IL18R1: variants seen among roughly 807,000 people sequenced by gnomAD.
IL18R1 encodes the protein interleukin 18 receptor 1.
Under a neutral mutation model 48.5 loss-of-function variants are expected in IL18R1, and 40 were observed. That is an observed-to-expected ratio of 0.82 (90% CI 0.64 to 1.07). The LOEUF is 1.07. Among genes scored for constraint, IL18R1 ranks in the 50% least tolerant of loss-of-function variants. The pLI, the probability that IL18R1 is intolerant of heterozygous loss-of-function variation, is 0.00. For synonymous variants in IL18R1, 232 were observed against 225.9 expected, an observed-to-expected ratio of 1.03 and a Z score of -0.24; for missense variants, 596 against 633.7, an observed-to-expected ratio of 0.94 and a Z score of 0.64.
intron 5 of IL18R1, among the ~76,000 whole-genome samples, chr2:102,377,460 A>AC (rs1679655416): frequency 6.6e-6 from 1 of 151,814 alleles, no homozygotes; most frequent in Non-Finnish European, 1.5e-5. Context: ...GACTACAGGC[A>AC]CCCGCCACCA....
At chr2:102,395,355 A>C (rs531972706) in intron 10 of IL18R1, among the ~76,000 whole-genome samples, 9 of 152,130 alleles carry the variant, frequency 5.9e-5, no homozygotes, top group Admixed American at 4.6e-4. Flanking sequence ...AAAAAAAAAA[A>C]CAAATGTTTG....
At chr2:102,368,596 G>T (rs188794682) in intron 3 of IL18R1, among the ~76,000 whole-genome samples, 1 of 152,122 alleles carries the variant, frequency 6.6e-6, no homozygotes, top group African/African-American at 2.4e-5. Flanking sequence ...CACAGCTGGC[G>T]GCAGTGAGAG....
At chr2:102,376,770 C>T (rs982334001) in intron 5 of IL18R1, among the ~76,000 whole-genome samples, 1 of 152,104 alleles carries the variant, frequency 6.6e-6, no homozygotes, top group Admixed American at 6.5e-5. Flanking sequence ...TAAACCTCAC[C>T]CAGTGAAGAT....
At chr2:102,378,402 G>C (rs1385692423) in intron 5 of IL18R1, among the ~76,000 whole-genome samples, 1 of 152,162 alleles carries the variant, frequency 6.6e-6, no homozygotes, top group Non-Finnish European at 1.5e-5. Context: ...GATGGCTCTA[G>C]GGACAGTAAG....
intron 5 of IL18R1, among the ~76,000 whole-genome samples, chr2:102,380,618 C>A (rs1038672555): frequency 6.6e-6 from 1 of 152,156 alleles, no homozygotes; most frequent in Non-Finnish European, 1.5e-5. Context: ...GTTTCATTCT[C>A]CTGTTCTTGC....
intron 9 of IL18R1, among the ~76,000 whole-genome samples, chr2:102,390,890 G>A (rs1243334710): frequency 1.4e-5 from 2 of 139,242 alleles, no homozygotes; most frequent in African/African-American, 2.7e-5. Flanking sequence ...AGTCGGGATC[G>A]CGCCGCTGCG....
At chr2:102,362,567 C>G in intron 1 of IL18R1, 66 bp from the exon 2 acceptor site, 1 of 1,043,556 alleles carries the variant, frequency 9.6e-7, no homozygotes, top group Non-Finnish European at 1.4e-6. Flanking sequence ...GATTTTTAAA[C>G]CTTCATAAGA....
At chr2:102,374,018 T>C (rs1486788595) in intron 4 of IL18R1, 8 of 404,852 alleles carry the variant, frequency 2.0e-5, no homozygotes, top group Non-Finnish European at 3.0e-5. Context: ...TATCTCATTA[T>C]ATATTACAGT....
chr2:102,372,309 G>A (rs1679314246), intron 4 of IL18R1, among the ~76,000 whole-genome samples, 191 bp downstream of exon 4: 1 of 152,142 alleles, frequency 6.6e-6, no homozygotes, highest in Non-Finnish European at 1.5e-5. Flanking sequence ...ATTAAAATAT[G>A]TTCCACAGTA....
At chr2:102,363,198 G>GTT (rs58513522) in intron 2 of IL18R1, among the ~76,000 whole-genome samples, 310 of 148,132 alleles carry the variant, frequency 2.1e-3, no homozygotes, top group African/African-American at 3.3e-3. Flanking sequence ...ATTGCCTAGA[G>GTT]TTTTTTTTTT....
At chr2:102,377,439 C>T (rs567690659) in intron 5 of IL18R1, among the ~76,000 whole-genome samples, 15 of 152,270 alleles carry the variant, frequency 9.9e-5, no homozygotes, top group Non-Finnish European at 2.1e-4. Context: ...CTCAGCCTCC[C>T]GAGTAGCTGG....
chr2:102,397,162 A>C lies in IL18R1; in HGVS notation c.*276A>C. On this transcript the variant is annotated 3_prime_UTR_variant, in exon 11 of 11. Coordinates refer to ENST00000233957, the MANE Select transcript of IL18R1 (RefSeq NM_003855.5). ...AACTGGATGCAGCTGCTCATACTCA[A>C]TCCCATATTCAGCAAGTGTGAAGCT... 3 of 335,166 alleles carry C rather than the reference A, an allele frequency of 9.0e-6. No homozygotes were observed. Among genetic ancestry groups the C allele is most frequent in the Non-Finnish European group, 5.4e-6 (1 of 186,222 alleles). The allele number at this position is 335,166 out of a possible 1,614,324, so 20.8% of individuals were successfully genotyped here.
chr2:102,388,774 C>T (rs1456012291), intron 8 of IL18R1, among the ~76,000 whole-genome samples: 1 of 152,084 alleles, frequency 6.6e-6, no homozygotes, highest in Non-Finnish European at 1.5e-5. Context: ...GTACAGGAGC[C>T]CCAGACCCTG....
At chr2:102,362,564 A>C in intron 1 of IL18R1, 69 bp from the exon 2 acceptor site, 1 of 1,010,500 alleles carries the variant, frequency 9.9e-7, no homozygotes, top group South Asian at 1.9e-5. Context: ...GAAGATTTTT[A>C]AACCTTCATA....
At chr2:102,386,412 G>T (rs1573222927) in intron 7 of IL18R1, among the ~76,000 whole-genome samples, 1 of 152,280 alleles carries the variant, frequency 6.6e-6, no homozygotes, top group African/African-American at 2.4e-5. Context: ...TTTTAATGCT[G>T]AACACATTAA....
intron 4 of IL18R1, among the ~76,000 whole-genome samples, chr2:102,374,719 A>C (rs887222367): frequency 6.6e-6 from 1 of 152,020 alleles, no homozygotes; most frequent in Non-Finnish European, 1.5e-5. Context: ...CAGAGGTTGC[A>C]GCGAGCCGAG....
chr2:102,394,006 T>C (rs900330910), intron 9 of IL18R1, among the ~76,000 whole-genome samples: 2 of 152,242 alleles, frequency 1.3e-5, no homozygotes, highest in African/African-American at 4.8e-5. Context: ...GAGAGTGGTA[T>C]CATGTTTTAA....
At chr2:102,357,102 G>A (rs147389823) in intron 1 of IL18R1, among the ~76,000 whole-genome samples, 56 of 152,316 alleles carry the variant, frequency 3.7e-4, no homozygotes, top group African/African-American at 1.3e-3. Context: ...GGATGGGCTA[G>A]GAGGGGTAAA....
Position 102,371,049 on chromosome 2 carries a change from TTG to T in IL18R1, c.303-902_303-901del, listed in dbSNP as rs11375430. Among the ~76,000 whole-genome samples, 59 of 26,730 alleles carry T rather than the reference TTG, an allele frequency of 2.2e-3. 1 individual carries two copies. Among genetic ancestry groups the T allele is most frequent in the Middle Eastern group, 0.024 (1 of 42 alleles). 17.5% of individuals were successfully genotyped at this position (26,730 alleles called of 152,430 possible). A position where few individuals can be genotyped will look rare whatever the true frequency, so the allele number is the denominator to read the frequency against. ...TTTTCCAATTCCAGATCACCTTTTTTTGTTGTTGTTGTTGTTGTTTTTTTGAG... is the reference window on the plus strand; with the variant it reads ...TTTTCCAATTCCAGATCACCTTTTTTTTGTTGTTGTTGTTGTTTTTTTGAG... On this transcript the variant is annotated intron_variant, in intron 3 of 10. Transcript: ENST00000233957.
Sources: gnomAD v4.1 joint callset for allele counts (sites outside exome capture counted in the v4.1 genomes callset) on GRCh38, gnomAD v4.1.1 for gene constraint, MANE v1.5 for transcripts, NCBI Gene and HGNC (gene_info 2026-07-23, HGNC 2026-07-21) for gene names.